DOCK3: variants seen among roughly 807,000 people sequenced by gnomAD.
DOCK3 encodes dedicator of cytokinesis protein 3.
Under a neutral mutation model 265.6 loss-of-function variants are expected in DOCK3, and 60 were observed. The observed-to-expected ratio is 0.23, with a 90% CI of 0.18 to 0.28. The LOEUF (loss-of-function observed/expected upper bound fraction) is 0.28. DOCK3 is among the 10% of genes least tolerant of loss of function. The pLI is 1.00. For synonymous variants in DOCK3, 881 were observed against 938.0 expected (o/e 0.94, Z 1.11); for missense variants, 1,981 against 2,594.3 (o/e 0.76, Z 5.14).
chr3:50,858,658 A>C (rs1192538878), intron 3 of DOCK3, among the ~76,000 whole-genome samples: 1 of 152,042 alleles, frequency 6.6e-6, no homozygotes, highest in Non-Finnish European at 1.5e-5. Flanking sequence ...AGAATCTTGC[A>C]AGAGTTCTCT....
chr3:51,200,220 G>T (rs1180415717), intron 12 of DOCK3, among the ~76,000 whole-genome samples: 2 of 151,942 alleles, frequency 1.3e-5, no homozygotes, highest in Admixed American at 1.3e-4. Context: ...GAAGGCTTCA[G>T]ACAATCAAAC....
intron 23 of DOCK3, among the ~76,000 whole-genome samples, chr3:51,269,361 T>C (rs2080377179): frequency 6.6e-6 from 1 of 152,084 alleles, no homozygotes; most frequent in Admixed American, 6.6e-5. Context: ...TTGTTATTGA[T>C]TATAAAGCAC....
At chr3:51,318,709 A>G (rs778571034) in intron 32 of DOCK3, among the ~76,000 whole-genome samples, 2 of 152,124 alleles carry the variant, frequency 1.3e-5, no homozygotes, top group African/African-American at 2.4e-5. Context: ...TTTATCTAGT[A>G]GCTCAAGCTC....
chr3:50,789,170 T>A (rs992595899), intron 2 of DOCK3, among the ~76,000 whole-genome samples: 1 of 152,216 alleles, frequency 6.6e-6, no homozygotes, highest in Non-Finnish European at 1.5e-5. Flanking sequence ...CCAGAGGTTT[T>A]GATAGATTGT....
intron 1 of DOCK3, among the ~76,000 whole-genome samples, chr3:50,688,608 G>T (rs541208393): frequency 6.6e-6 from 1 of 152,020 alleles, no homozygotes; most frequent in South Asian, 2.1e-4. Context: ...GATTATAGGC[G>T]CATGCCACCA....
chr3:50,703,066 AT>A (rs1267615927), intron 1 of DOCK3, among the ~76,000 whole-genome samples: 1 of 152,022 alleles, frequency 6.6e-6, no homozygotes, highest in African/African-American at 2.4e-5. Context: ...GCCGAATTTT[AT>A]TGAGTGTTTT....
intron 27 of DOCK3, among the ~76,000 whole-genome samples, chr3:51,308,811 C>G (rs1332174446): frequency 1.4e-5 from 2 of 142,264 alleles, no homozygotes; most frequent in African/African-American, 4.9e-5. Flanking sequence ...GGCGGAGGGG[C>G]TCCTCACTTC....
chr3:51,353,276 C>T (rs567148711), intron 40 of DOCK3, among the ~76,000 whole-genome samples: 11 of 152,276 alleles, frequency 7.2e-5, no homozygotes, highest in Admixed American at 4.6e-4. Flanking sequence ...TTCTTCCTAG[C>T]GTTAATCAGA....
At position 51,381,736 on chromosome 3, in the gene DOCK3, G is replaced by A; in HGVS notation, c.*177G>A. 1.3e-6 allele frequency: 1 copy of A among 749,094 alleles called. No individual in the cohort carries two copies. The highest frequency in any genetic ancestry group is 2.0e-6 in the Non-Finnish European group (1 of 507,136). The allele number at this position is 749,094 out of a possible 1,614,324, so 46.4% of individuals were successfully genotyped here. ...AACTCATGTGTTGCCATGTACAGAGGCCACAGCAGCATGAAGGGTTGTGGC... is the reference window on the plus strand; with the variant it reads ...AACTCATGTGTTGCCATGTACAGAGACCACAGCAGCATGAAGGGTTGTGGC... On this transcript the variant is annotated 3_prime_UTR_variant, in exon 53 of 53. Transcript: ENST00000266037. The surrounding 1 kb of genome is among the most constrained non-coding windows in gnomAD (Gnocchi z 5.6).
chr3:50,923,028 A>G (rs548293685), intron 4 of DOCK3, among the ~76,000 whole-genome samples: 1 of 152,196 alleles, frequency 6.6e-6, no homozygotes, highest in African/African-American at 2.4e-5. Context: ...TTGGTTTTCC[A>G]TTTCTGAGTT....
chr3:50,706,056 T>C (rs2036392886), intron 1 of DOCK3, among the ~76,000 whole-genome samples: 1 of 151,874 alleles, frequency 6.6e-6, no homozygotes. Flanking sequence ...GGCAGTTTTC[T>C]CCTGTACGCT....
intron 14 of DOCK3, among the ~76,000 whole-genome samples, chr3:51,219,144 C>G (rs2089950789): frequency 6.6e-6 from 1 of 152,156 alleles, no homozygotes; most frequent in Non-Finnish European, 1.5e-5. Context: ...TTCTTTGACT[C>G]CTGACAAAAA....
intron 3 of DOCK3, among the ~76,000 whole-genome samples, chr3:50,889,282 C>T (rs1282002248): frequency 2.6e-5 from 4 of 151,894 alleles, no homozygotes; most frequent in Non-Finnish European, 1.5e-5. Context: ...CAGGATCTTG[C>T]TATGTTGCCC....
intron 3 of DOCK3, chr3:50,877,067 C>G (rs1187659340): frequency 4.5e-6 from 1 of 223,586 alleles, no homozygotes; most frequent in Non-Finnish European, 8.9e-6. Context: ...CACTCCTGCT[C>G]TAAATCACTA....
intron 9 of DOCK3, among the ~76,000 whole-genome samples, chr3:51,108,791 G>A (rs969019538): frequency 6.6e-6 from 1 of 152,082 alleles, no homozygotes; most frequent in Non-Finnish European, 1.5e-5. Context: ...AGACAAAAGA[G>A]CATTATATAA....
chr3:50,865,712 T>C (rs2609030), intron 3 of DOCK3, among the ~76,000 whole-genome samples: 8,703 of 152,270 alleles, frequency 0.057, 880 homozygotes, highest in African/African-American at 0.2. Flanking sequence ...GTTTTAGTTG[T>C]TGGAGGAACC....
intron 12 of DOCK3, among the ~76,000 whole-genome samples, chr3:51,189,685 A>G (rs756536231): frequency 4.6e-5 from 7 of 152,164 alleles, no homozygotes; most frequent in Admixed American, 6.5e-5. Flanking sequence ...GGTTGGTTCC[A>G]TATCTTTGCA....
intron 18 of DOCK3, among the ~76,000 whole-genome samples, chr3:51,229,059 C>T (rs1295477400): frequency 1.3e-5 from 2 of 152,174 alleles, no homozygotes; most frequent in African/African-American, 4.8e-5. Flanking sequence ...AGTCTTTGGC[C>T]TTAGACTCAG....
At chr3:51,256,461 G>C (rs2079551357) in intron 22 of DOCK3, among the ~76,000 whole-genome samples, 1 of 152,146 alleles carries the variant, frequency 6.6e-6, no homozygotes, top group South Asian at 2.1e-4. Context: ...TGTGGAGATG[G>C]GGTTTCACCA....
Sources: gnomAD v4.1 joint callset for allele counts (sites outside exome capture counted in the v4.1 genomes callset) on GRCh38, gnomAD v4.1.1 for gene constraint, Gnocchi (gnomAD v3.1) non-coding constraint, MANE v1.5 for transcripts, NCBI Gene and HGNC (gene_info 2026-07-23, HGNC 2026-07-21) for gene names.